ELF1: variants seen among roughly 807,000 people sequenced by gnomAD.
ELF1 encodes the protein E74 like ETS transcription factor 1.
Under a neutral mutation model 59.9 loss-of-function variants are expected in ELF1, and 24 were observed. The ratio of observed to expected loss-of-function variants is 0.40; its 90% confidence interval spans 0.29 to 0.56. ELF1 has a LOEUF of 0.56. ELF1 is among the 20% of genes least tolerant of loss of function. ELF1 has a pLI of 0.44. For synonymous variants in ELF1, 248 were observed against 266.2 expected (o/e 0.93, Z 0.67); for missense variants, 627 against 742.2 (o/e 0.84, Z 1.80).
intron 2 of ELF1, among the ~76,000 whole-genome samples, chr13:40,973,875 C>T (rs1054886082): frequency 2.0e-5 from 3 of 152,042 alleles, no homozygotes; most frequent in African/African-American, 7.2e-5. Flanking sequence ...ACAGATGAAC[C>T]TTGATAACAG....
chr13:41,055,277 G>A (rs906297071), intron 1 of ELF1, among the ~76,000 whole-genome samples: 3 of 151,850 alleles, frequency 2.0e-5, no homozygotes, highest in Non-Finnish European at 2.9e-5. Context: ...ATCTATTTTC[G>A]CAGCCTTATT....
chr13:41,029,566 G>A (rs1876083354), intron 1 of ELF1, among the ~76,000 whole-genome samples: 2 of 152,032 alleles, frequency 1.3e-5, no homozygotes, highest in African/African-American at 2.4e-5. Context: ...GTTTTCTGGA[G>A]AGACGAGGTT....
At position 40,943,863 on chromosome 13, in the gene ELF1, T is replaced by C; in HGVS notation, c.592A>G (p.Lys198Glu). 6.2e-7 allele frequency: 1 copy of C among 1,613,796 alleles called. No individual in the cohort carries two copies. The highest frequency in any genetic ancestry group is 8.5e-7 in the Non-Finnish European group (1 of 1,179,812). The change falls in exon 6 of 9, where the codon AAG becomes GAG. Residue 198 changes from lysine (K) to glutamate (E), a missense_variant. Coordinates refer to ENST00000239882, the MANE Select transcript of ELF1 (RefSeq NM_172373.4). ...PATTPNISVK[K>E]KNKDGKGNTI... ...GTACCCTTTCCATCTTTGTTTTTCT[T>C]CTTCACAGATATATTTGGCGTAGTG...
intron 2 of ELF1, among the ~76,000 whole-genome samples, chr13:40,970,839 G>A (rs916488506): frequency 6.6e-6 from 1 of 152,142 alleles, no homozygotes; most frequent in African/African-American, 2.4e-5. Context: ...TCACTACAGC[G>A]CTGTGTAAAA....
At chr13:41,003,948 C>A (rs1484956794) in intron 1 of ELF1, among the ~76,000 whole-genome samples, 1 of 152,016 alleles carries the variant, frequency 6.6e-6, no homozygotes, top group Non-Finnish European at 1.5e-5. Flanking sequence ...AAAATTATTT[C>A]TTAGAAATAA....
At chr13:41,055,042 G>A (rs1326020791) in intron 1 of ELF1, among the ~76,000 whole-genome samples, 1 of 152,104 alleles carries the variant, frequency 6.6e-6, no homozygotes, top group African/African-American at 2.4e-5. Flanking sequence ...ATGTTTACCA[G>A]GTGCCAAGCC....
chr13:40,975,607 T>C (rs1019952665), intron 2 of ELF1, among the ~76,000 whole-genome samples: 1 of 152,232 alleles, frequency 6.6e-6, no homozygotes, highest in Admixed American at 6.5e-5. Context: ...TGAGCATCTG[T>C]TTCTGGTCTT....
At chr13:41,039,006 C>CAAA (rs11405097) in intron 1 of ELF1, among the ~76,000 whole-genome samples, 16 of 76,420 alleles carry the variant, frequency 2.1e-4, no homozygotes, top group Admixed American at 3.2e-4. Context: ...GAGACTTTGT[C>CAAA]AAAAAAAAAA....
At chr13:41,060,829 G>A (rs559518903) in intron 1 of ELF1, 5 of 260,182 alleles carry the variant, frequency 1.9e-5, no homozygotes, top group Admixed American at 5.2e-5. Flanking sequence ...AGAAACTGCC[G>A]TGACCCACCT....
At chr13:40,934,415 G>A (rs1226819747) in intron 8 of ELF1, among the ~76,000 whole-genome samples, 3 of 76,344 alleles carry the variant, frequency 3.9e-5, no homozygotes, top group East Asian at 7.0e-4. Flanking sequence ...ATTCATTCCT[G>A]CTTTTTTTTT....
chr13:40,949,947 C>G lies in ELF1; in HGVS notation c.388G>C (p.Asp130His). The G allele has an allele frequency of 6.2e-7, 1 of 1,613,358 alleles. No individual in the cohort carries two copies. Among genetic ancestry groups the G allele is most frequent in the Non-Finnish European group, 8.5e-7 (1 of 1,179,672 alleles). The change falls in exon 5 of 9, where the codon GAT becomes CAT. Residue 130 changes from aspartate (D) to histidine (H), a missense_variant. This residue lies in a region of ELF1 where 232 missense variants were observed against 269.2 expected (regional missense o/e 0.86). Transcript: ENST00000239882. The stretch of plus-strand genomic sequence containing the variant: ...GTGACTGGGGCAACAACCATGTCAT[C>G]TTCAGGTGAACTAAATATATTATTA... ...INNNIFSSPE[D>H]DMVVAPVTHV...
intron 1 of ELF1, among the ~76,000 whole-genome samples, chr13:41,033,509 G>C (rs73176942): frequency 7.2e-5 from 11 of 152,226 alleles, no homozygotes; most frequent in African/African-American, 2.6e-4. Flanking sequence ...ATTATGCTGA[G>C]TGAAAGAAGC....
intron 2 of ELF1, among the ~76,000 whole-genome samples, chr13:40,962,241 T>C (rs986356118): frequency 6.6e-6 from 1 of 152,184 alleles, no homozygotes; most frequent in Admixed American, 6.5e-5. Context: ...CTTTAAACAA[T>C]CATAATTAAA....
upstream of ELF1, among the ~76,000 whole-genome samples, chr13:41,021,388 A>T (rs1323301822): frequency 2.0e-5 from 3 of 152,206 alleles, no homozygotes; most frequent in African/African-American, 7.2e-5. Context: ...CCATTACAAT[A>T]TATTATCCCT....
chr13:41,059,935 T>C (rs1593418698), intron 1 of ELF1, among the ~76,000 whole-genome samples: 1 of 152,230 alleles, frequency 6.6e-6, no homozygotes, highest in Non-Finnish European at 1.5e-5. Flanking sequence ...GATATACTTA[T>C]TTAAAGCCAT....
intron 1 of ELF1, among the ~76,000 whole-genome samples, chr13:41,051,743 C>T (rs1302900389): frequency 6.6e-6 from 1 of 151,930 alleles, no homozygotes; most frequent in East Asian, 1.9e-4. Context: ...AGGCTAGGCA[C>T]CTTCCCACAA....
In ELF1 at chr13:40,972,084, A is replaced by G. The variant is rs1232809661; in HGVS notation, c.72+9899T>C. ...AACATGCAGATTCCATATAACTCAA[A>G]GAATTTTAAAAAATCATAAAGGGCA... On this transcript the variant is annotated intron_variant, in intron 2 of 8. Transcript: ENST00000239882. Among the ~76,000 whole-genome samples, 12 of 152,340 alleles carry G rather than the reference A, an allele frequency of 7.9e-5. No individual in the cohort carries two copies. The East Asian group carries it at 2.3e-3, about 29-fold the overall frequency.
chr13:40,971,423 A>AT lies in ELF1; in HGVS notation c.72+10559dup, dbSNP rs1023880338. 9.2e-5 allele frequency among the ~76,000 whole-genome samples: 14 copies of AT among 152,086 alleles called. No individual in the cohort carries two copies. In the South Asian group the frequency reaches 1.9e-3, roughly 20 times the overall value. Reference sequence around the variant, plus strand: ...CAGGCAGGCACCACAACACCCAGCTATTTTTTTAATAGAAACGGGGTCTCC... The same window carrying AT: ...CAGGCAGGCACCACAACACCCAGCTATTTTTTTTAATAGAAACGGGGTCTCC... On this transcript the variant is annotated intron_variant, in intron 2 of 8. Coordinates refer to ENST00000239882, the MANE Select transcript of ELF1 (RefSeq NM_172373.4).
chr13:40,936,349 T>C (rs1312368841), intron 8 of ELF1, among the ~76,000 whole-genome samples: 2 of 152,216 alleles, frequency 1.3e-5, no homozygotes, highest in African/African-American at 4.8e-5. Context: ...CTCTCATTCT[T>C]CTTTCCTTCT....
Sources: allele counts gnomAD v4.1 joint callset (sites outside exome capture counted in the v4.1 genomes callset), GRCh38; gene constraint gnomAD v4.1.1; regional missense constraint gnomAD v4.1.1; transcripts MANE v1.5; gene names NCBI Gene and HGNC (gene_info 2026-07-23, HGNC 2026-07-21).